Variants in SEZ6L observed in about 807,000 individuals in gnomAD.
The protein encoded by SEZ6L is seizure 6-like protein.
A neutral mutation model predicts 106.2 loss-of-function variants in SEZ6L; 37 were observed. That is an observed-to-expected ratio of 0.35 (90% CI 0.27 to 0.46). The LOEUF (loss-of-function observed/expected upper bound fraction) is 0.46, where lower values mean the gene tolerates loss of function less well. Ranked by LOEUF, SEZ6L falls within the 20% of genes least tolerant of loss-of-function variation. SEZ6L has a pLI of 1.00. For missense variants in SEZ6L, 1,172 were observed against 1,332.8 expected (o/e 0.88, Z 1.88); for synonymous variants, 541 against 570.4 (o/e 0.95, Z 0.73).
In SEZ6L at chr22:26,294,307, G is replaced by A; in HGVS notation, c.851G>A (p.Ser284Asn). The change falls in exon 3 of 17, where the codon AGC becomes AAC. Residue 284 changes from serine to asparagine, a missense_variant. This residue lies in a region of SEZ6L where 494 missense variants were observed against 445.8 expected (regional missense o/e 1.11). Transcript: ENST00000248933. ...TTCCTTCCAGCTCTCTGCAGTGTGAGCTTCTCCAATCCTGAGGGGTACATT... is the reference window on the plus strand; with the variant it reads ...TTCCTTCCAGCTCTCTGCAGTGTGAACTTCTCCAATCCTGAGGGGTACATT... ...TEQAPALCSV[S>N]FSNPEGYIDS... The A allele has an allele frequency of 6.2e-7, 1 of 1,614,078 alleles. No individual in the cohort carries two copies. The highest frequency in any genetic ancestry group is 8.5e-7 in the Non-Finnish European group (1 of 1,180,006).
At chr22:26,226,841 T>C (rs1226695950) in intron 1 of SEZ6L, among the ~76,000 whole-genome samples, 1 of 152,198 alleles carries the variant, frequency 6.6e-6, no homozygotes, top group Non-Finnish European at 1.5e-5. Context: ...TTTTTCCTTT[T>C]GCCCCATCCC....
At chr22:26,324,250 G>A (rs1359688124) in intron 9 of SEZ6L, among the ~76,000 whole-genome samples, 1 of 152,154 alleles carries the variant, frequency 6.6e-6, no homozygotes, top group Non-Finnish European at 1.5e-5. Context: ...CATCTCTGCA[G>A]GGAAAAAGTC....
chr22:26,279,981 A>G (rs1170385559), intron 1 of SEZ6L, among the ~76,000 whole-genome samples: 11 of 152,212 alleles, frequency 7.2e-5, no homozygotes, highest in African/African-American at 2.7e-4. Flanking sequence ...AATAGCATGC[A>G]TGTGGCAAAA....
chr22:26,205,921 T>C (rs973665817), intron 1 of SEZ6L, among the ~76,000 whole-genome samples: 3 of 152,122 alleles, frequency 2.0e-5, no homozygotes, highest in African/African-American at 7.2e-5. Context: ...GGAACCATCA[T>C]GTCAGAACTT....
At chr22:26,305,485 T>C (rs2081601794) in intron 5 of SEZ6L, among the ~76,000 whole-genome samples, 1 of 152,232 alleles carries the variant, frequency 6.6e-6, no homozygotes, top group Non-Finnish European at 1.5e-5. Context: ...GCTTTTTATC[T>C]TGGCCGATTA....
At chr22:26,223,195 G>C (rs971422691) in intron 1 of SEZ6L, among the ~76,000 whole-genome samples, 1 of 152,134 alleles carries the variant, frequency 6.6e-6, no homozygotes, top group Non-Finnish European at 1.5e-5. Context: ...GTATATCACG[G>C]TGGTGTTAGA....
In SEZ6L at chr22:26,347,783, T is replaced by G; in HGVS notation, c.2277T>G (p.Ser759=). 1 of 1,610,406 alleles carries G rather than the reference T, an allele frequency of 6.2e-7. No individual in the cohort carries two copies. The highest frequency in any genetic ancestry group is 8.5e-7 in the Non-Finnish European group (1 of 1,178,694). ...TCCAGAATGGCTGGAAAACCACTTC[T>G]CACACGGAGTTGGTGCGGGGAGCCA... ...PEIQNGWKTT[S]HTELVRGARI... Residue 759 remains serine, a synonymous_variant, in exon 11 of 17, where the codon TCT becomes TCG. Coordinates refer to ENST00000248933, the MANE Select transcript of SEZ6L (RefSeq NM_021115.5).
At chr22:26,237,588 A>C (rs2078991425) in intron 1 of SEZ6L, among the ~76,000 whole-genome samples, 1 of 152,220 alleles carries the variant, frequency 6.6e-6, no homozygotes, top group Admixed American at 6.5e-5. Flanking sequence ...ACACTACACC[A>C]GTGTTGCTCT....
chr22:26,252,594 C>G (rs1216484722), intron 1 of SEZ6L, among the ~76,000 whole-genome samples: 1 of 152,112 alleles, frequency 6.6e-6, no homozygotes, highest in Admixed American at 6.5e-5. Flanking sequence ...TCTAGTAGCC[C>G]CACTGTCTAT....
At chr22:26,250,905 T>C (rs1306097365) in intron 1 of SEZ6L, among the ~76,000 whole-genome samples, 2 of 152,208 alleles carry the variant, frequency 1.3e-5, no homozygotes, top group African/African-American at 4.8e-5. Context: ...AAGCATTTTA[T>C]ATATTTTTGA....
chr22:26,337,498 T>C (rs1321470523), intron 9 of SEZ6L, among the ~76,000 whole-genome samples: 2 of 152,178 alleles, frequency 1.3e-5, no homozygotes, highest in African/African-American at 4.8e-5. Context: ...GTTTTCATGG[T>C]ACGTAGAGCT....
chr22:26,257,750 C>T (rs1484497477), intron 1 of SEZ6L, among the ~76,000 whole-genome samples: 1 of 152,214 alleles, frequency 6.6e-6, no homozygotes, highest in South Asian at 2.1e-4. Context: ...CTAGCTTCTC[C>T]CTGCAGCCAG....
At chr22:26,171,942 G>C (rs542124555) in intron 1 of SEZ6L, among the ~76,000 whole-genome samples, 178 of 152,102 alleles carry the variant, frequency 1.2e-3, no homozygotes, top group African/African-American at 4.1e-3. Flanking sequence ...TTGCGAACTA[G>C]TTCTTCTGCT....
At position 26,241,738 on chromosome 22, in the gene SEZ6L, TTAAA is replaced by T. The variant is rs199994424; in HGVS notation, c.95-50665_95-50662del. On this transcript the variant is annotated intron_variant, in intron 1 of 16. Coordinates refer to ENST00000248933, the MANE Select transcript of SEZ6L (RefSeq NM_021115.5). ...AAAAACAAACACTTCTAAAATTCCC[TTAAA>T]TATAGCTTTTGGGCTCTCAGATTCC... Among the ~76,000 whole-genome samples the T allele has an allele frequency of 5.6e-3, 847 of 152,276 alleles. 35 individuals are homozygous for T. The East Asian group carries it at 0.097, about 17-fold the overall frequency.
At chr22:26,202,252 T>C (rs1214899468) in intron 1 of SEZ6L, among the ~76,000 whole-genome samples, 4 of 152,172 alleles carry the variant, frequency 2.6e-5, no homozygotes, top group Non-Finnish European at 5.9e-5. Flanking sequence ...CCTGCATCTA[T>C]CTGCACATAC....
intron 1 of SEZ6L, among the ~76,000 whole-genome samples, chr22:26,212,759 G>T (rs1014344932): frequency 3.3e-5 from 5 of 152,148 alleles, no homozygotes; most frequent in African/African-American, 1.2e-4. Context: ...TGCCCCTTGA[G>T]AAAGAAGGAT....
At chr22:26,297,697 G>A (rs545924343) in intron 4 of SEZ6L, among the ~76,000 whole-genome samples, 1 of 151,752 alleles carries the variant, frequency 6.6e-6, no homozygotes, top group South Asian at 2.1e-4. Context: ...TCTCTGTTTT[G>A]CTCTCTGTTC....
intron 1 of SEZ6L, among the ~76,000 whole-genome samples, chr22:26,257,382 G>C (rs1370626926): frequency 6.6e-6 from 1 of 152,144 alleles, no homozygotes; most frequent in Non-Finnish European, 1.5e-5. Flanking sequence ...TTTTACAGGA[G>C]AGAAAACAAG....
chr22:26,338,453 A>C (rs186248990), intron 9 of SEZ6L, among the ~76,000 whole-genome samples: 73 of 152,310 alleles, frequency 4.8e-4, no homozygotes, highest in African/African-American at 1.6e-3. Flanking sequence ...GCTGGAGTAC[A>C]GTGGCACAAT....
Sources: allele counts gnomAD v4.1 joint callset (sites outside exome capture counted in the v4.1 genomes callset), GRCh38; gene constraint gnomAD v4.1.1; regional missense constraint gnomAD v4.1.1; transcripts MANE v1.5; gene names NCBI Gene and HGNC (gene_info 2026-07-23, HGNC 2026-07-21).